The following NRXN1 variants were observed in gnomAD, a reference collection of about 807,000 sequenced individuals.
NRXN1 encodes neurexin 1, also known as neurexin-1.
In NRXN1, 39 loss-of-function variants were observed where a neutral mutation model predicts 150.9. The ratio of observed to expected loss-of-function variants is 0.26; its 90% CI spans 0.20 to 0.34. The LOEUF (loss-of-function observed/expected upper bound fraction) is 0.34, where lower values mean the gene tolerates loss of function less well. NRXN1 is among the 10% of genes least tolerant of loss of function. The pLI is 1.00. For missense variants in NRXN1, 1,815 were observed against 1,949.9 expected (o/e 0.93, Z 1.30); for synonymous variants, 924 against 757.0 (o/e 1.22, Z -3.62).
intron 5 of NRXN1, among the ~76,000 whole-genome samples, chr2:50,666,238 G>A (rs1039927585): frequency 4.0e-5 from 6 of 151,892 alleles, no homozygotes; most frequent in Admixed American, 6.6e-5. Flanking sequence ...TTGTTCATTC[G>A]CTCTCATTGC....
chr2:50,628,906 T>C (rs1262438487), intron 5 of NRXN1, among the ~76,000 whole-genome samples: 3 of 151,670 alleles, frequency 2.0e-5, no homozygotes, highest in Admixed American at 6.6e-5. Flanking sequence ...TAAAAGGCTA[T>C]CTTCAAAGAA....
chr2:50,286,330 T>C (rs2072163491), intron 17 of NRXN1, among the ~76,000 whole-genome samples: 1 of 152,138 alleles, frequency 6.6e-6, no homozygotes, highest in South Asian at 2.1e-4. Context: ...AATTCTACTC[T>C]CTACTTCTGA....
At chr2:49,981,750 T>TA (rs1238864602) in intron 21 of NRXN1, among the ~76,000 whole-genome samples, 2 of 151,978 alleles carry the variant, frequency 1.3e-5, no homozygotes, top group African/African-American at 2.4e-5. Context: ...ACTGAATATA[T>TA]AAAAAAATCA....
intron 21 of NRXN1, among the ~76,000 whole-genome samples, chr2:50,035,516 C>A (rs1450705922): frequency 6.6e-6 from 1 of 152,068 alleles, no homozygotes; most frequent in African/African-American, 2.4e-5. Context: ...AGCTATATTG[C>A]AATCCAGATA....
At chr2:50,816,328 C>G (rs187253063) in intron 5 of NRXN1, among the ~76,000 whole-genome samples, 4 of 152,150 alleles carry the variant, frequency 2.6e-5, no homozygotes, top group Non-Finnish European at 5.9e-5. Context: ...TTCAGTGTCT[C>G]CTGGGTGGCA....
rs1431589334 is a variant in NRXN1 at position 50,617,809 on chromosome 2, CTTTA to C, written c.1320+2209_1320+2212del. Among the ~76,000 whole-genome samples the C allele has an allele frequency of 3.3e-5, 5 of 152,246 alleles. No homozygotes were observed. The East Asian group carries it at 5.8e-4, about 18-fold the overall frequency. On this transcript the variant is annotated intron_variant, in intron 8 of 22. Coordinates refer to ENST00000401669, the MANE Select transcript of NRXN1 (RefSeq NM_001330078.2). ...AAAAATGAATACTAAGGTAAGGAAT[CTTTA>C]TTTATCAATTCATAAATTAGAGGTG...
intron 17 of NRXN1, among the ~76,000 whole-genome samples, chr2:50,436,576 T>G (rs1164211794): frequency 6.6e-6 from 1 of 152,226 alleles, no homozygotes; most frequent in Non-Finnish European, 1.5e-5. Context: ...CCCATTTTAT[T>G]TTTACTAATC....
chr2:49,967,398 TTC>T (rs1363165552), intron 21 of NRXN1, among the ~76,000 whole-genome samples: 2 of 152,082 alleles, frequency 1.3e-5, no homozygotes, highest in Non-Finnish European at 2.9e-5. Flanking sequence ...TATAAATACA[TTC>T]TCTTTTAAAA....
intron 8 of NRXN1, among the ~76,000 whole-genome samples, chr2:50,562,363 A>ATAGATAGATAGG: frequency 6.6e-6 from 1 of 151,982 alleles, no homozygotes; most frequent in East Asian, 1.9e-4. Context: ...AGATAGATAG[A>ATAGATAGATAGG]TGATTTCCTA....
At chr2:50,376,046 TACACACAC>T (rs72262969) in intron 17 of NRXN1, among the ~76,000 whole-genome samples, 1 of 148,632 alleles carries the variant, frequency 6.7e-6, no homozygotes, top group Admixed American at 6.8e-5. Context: ...CATATATATA[TACACACAC>T]ACACACACAC....
chr2:50,372,268 C>T (rs549912575), intron 17 of NRXN1, among the ~76,000 whole-genome samples: 1 of 152,212 alleles, frequency 6.6e-6, no homozygotes, highest in East Asian at 1.9e-4. Context: ...TTGTTGATGA[C>T]TATCTCCTTC....
At chr2:50,534,769 AT>A (rs2093211166) in intron 10 of NRXN1, among the ~76,000 whole-genome samples, 1 of 152,184 alleles carries the variant, frequency 6.6e-6, no homozygotes, top group South Asian at 2.1e-4. Flanking sequence ...ACTAGGCTCT[AT>A]TATTCAATAA....
intron 21 of NRXN1, among the ~76,000 whole-genome samples, chr2:49,947,798 T>C (rs1039192894): frequency 6.6e-6 from 1 of 152,068 alleles, no homozygotes; most frequent in African/African-American, 2.4e-5. Flanking sequence ...CCTAAAAATA[T>C]GGACAGCATA....
chr2:51,026,428 G>T (rs201690356), intron 2 of NRXN1: 21 of 1,605,266 alleles, frequency 1.3e-5, no homozygotes, highest in Non-Finnish European at 1.7e-5. Flanking sequence ...TCATTGTCAT[G>T]TAACAGCACC....
At chr2:50,656,303 C>T (rs377482807) in intron 5 of NRXN1, 19 of 736,648 alleles carry the variant, frequency 2.6e-5, no homozygotes, top group African/African-American at 1.6e-4. Context: ...TTTAAAGTTA[C>T]GTATCAATTT....
chr2:50,815,924 T>C (rs1268556924), intron 5 of NRXN1, among the ~76,000 whole-genome samples: 1 of 152,144 alleles, frequency 6.6e-6, no homozygotes, highest in Non-Finnish European at 1.5e-5. Flanking sequence ...AGAGAACCCA[T>C]GTAAATAAAT....
At chr2:50,472,640 T>C (rs1258858651) in intron 15 of NRXN1, among the ~76,000 whole-genome samples, 169 bp from the exon 16 acceptor site, 1 of 149,144 alleles carries the variant, frequency 6.7e-6, no homozygotes, top group African/African-American at 2.6e-5. Context: ...GTTTGAATAA[T>C]ATACTGGCAC....
intron 22 of NRXN1, among the ~76,000 whole-genome samples, chr2:49,931,623 T>C (rs796244576): frequency 1.3e-5 from 2 of 152,106 alleles, no homozygotes; most frequent in African/African-American, 2.4e-5. Context: ...CTTTCCATAA[T>C]TGTCAAGCAG....
rs550010638 is a variant in NRXN1, at chr2:50,698,159, G to A, written c.833-74544C>T. ...CTTGTTTGTCCTGTACTTCCCACCC[G>A]TACAGCAGTGCTGGCACTTAGTAGG... is the stretch of plus-strand genomic sequence containing the variant. On this transcript the variant is annotated intron_variant, in intron 5 of 22. Coordinates refer to ENST00000401669, the MANE Select transcript of NRXN1 (RefSeq NM_001330078.2). 5.8e-4 allele frequency among the ~76,000 whole-genome samples: 88 copies of A among 152,318 alleles called. 1 individual carries two copies. The highest frequency in any genetic ancestry group is 1.9e-3 in the East Asian group (10 of 5,188).
Sources: allele counts gnomAD v4.1 joint callset (sites outside exome capture counted in the v4.1 genomes callset), GRCh38; gene constraint gnomAD v4.1.1; transcripts MANE v1.5; gene names NCBI Gene and HGNC (gene_info 2026-07-23, HGNC 2026-07-21).